Variants in USH2A observed in about 807,000 individuals in gnomAD.
The protein encoded by USH2A is Usher syndrome 2A (autosomal recessive, mild).
In USH2A, 443 loss-of-function variants were observed where a neutral mutation model predicts 538.9. The observed-to-expected ratio is 0.82, with a 90% CI of 0.76 to 0.89. The LOEUF (loss-of-function observed/expected upper bound fraction) is 0.89. Ranked by LOEUF, USH2A falls within the 40% of genes least tolerant of loss-of-function variation. USH2A has a pLI of 0.00. For missense variants in USH2A, 6,633 were observed against 6,324.8 expected (o/e 1.05, Z -1.65); for synonymous variants, 2,413 against 2,273.5 (o/e 1.06, Z -1.75).
chr1:215,992,950 C>T, intron 35 of USH2A, 70 bp downstream of exon 35: 1 of 1,603,986 alleles, frequency 6.2e-7, no homozygotes. Context: ...CACATATAAG[C>T]TGCCATTTAG....
chr1:215,696,502 T>C (rs1658816358), intron 61 of USH2A, among the ~76,000 whole-genome samples: 1 of 152,208 alleles, frequency 6.6e-6, no homozygotes, highest in Admixed American at 6.5e-5. Context: ...TTTTCTTTCT[T>C]TCCCTTTTGC....
chr1:216,154,489 T>C (rs2033900517), intron 21 of USH2A, among the ~76,000 whole-genome samples: 1 of 152,174 alleles, frequency 6.6e-6, no homozygotes, highest in African/African-American at 2.4e-5. Context: ...CATACTTGAA[T>C]GTTGCAAGAA....
intron 44 of USH2A, among the ~76,000 whole-genome samples, chr1:215,847,202 C>T (rs1663874149): frequency 6.6e-6 from 1 of 152,114 alleles, no homozygotes; most frequent in Non-Finnish European, 1.5e-5. Context: ...AACATGAAAA[C>T]AGCCATATTT....
chr1:216,282,162 T>A (rs569659579), intron 11 of USH2A, among the ~76,000 whole-genome samples: 58 of 152,282 alleles, frequency 3.8e-4, no homozygotes, highest in African/African-American at 1.3e-3. Flanking sequence ...TATTATATAC[T>A]TTGCAACTAA....
At chr1:215,631,271 C>T (rs1003139083) in intron 70 of USH2A, among the ~76,000 whole-genome samples, 1 of 149,904 alleles carries the variant, frequency 6.7e-6, no homozygotes, top group Non-Finnish European at 1.5e-5. Flanking sequence ...AGGGGCATAG[C>T]TCATTGACCT....
intron 30 of USH2A, among the ~76,000 whole-genome samples, chr1:216,059,960 T>G (rs1425588126): frequency 2.0e-5 from 3 of 152,168 alleles, no homozygotes; most frequent in African/African-American, 7.2e-5. Context: ...CTTCTGGGAA[T>G]TTTCAGAAGT....
chr1:216,126,998 A>G (rs994911825), intron 21 of USH2A, among the ~76,000 whole-genome samples: 1 of 152,228 alleles, frequency 6.6e-6, no homozygotes, highest in Non-Finnish European at 1.5e-5. Flanking sequence ...GTTTACAAAT[A>G]GCACTGCAAA....
chr1:216,259,636 G>A (rs1442208786), intron 11 of USH2A, among the ~76,000 whole-genome samples: 2 of 151,964 alleles, frequency 1.3e-5, no homozygotes, highest in African/African-American at 4.8e-5. Flanking sequence ...GAATACTAGG[G>A]CAGAATAAGT....
chr1:215,784,737 G>T (rs1661745678), intron 52 of USH2A, among the ~76,000 whole-genome samples: 1 of 152,164 alleles, frequency 6.6e-6, no homozygotes, highest in Non-Finnish European at 1.5e-5. Context: ...TCATGAAAAA[G>T]AACAGTTTGT....
intron 21 of USH2A, among the ~76,000 whole-genome samples, chr1:216,154,794 T>C (rs2033905563): frequency 6.6e-6 from 1 of 152,222 alleles, no homozygotes; most frequent in South Asian, 2.1e-4. Flanking sequence ...TTTCATCACA[T>C]ACATATACCA....
intron 3 of USH2A, among the ~76,000 whole-genome samples, chr1:216,398,336 A>G (rs901426789): frequency 2.6e-5 from 4 of 152,188 alleles, no homozygotes; most frequent in Non-Finnish European, 5.9e-5. Context: ...AACATGGCAA[A>G]TTCCCTAGTT....
chr1:216,157,677 C>T lies in USH2A; in HGVS notation c.4627+17575G>A, dbSNP rs539156123. Among the ~76,000 whole-genome samples, 22 of 152,212 alleles carry T rather than the reference C, an allele frequency of 1.4e-4. No individual in the cohort carries two copies. In the South Asian group the frequency reaches 4.6e-3, roughly 32 times the overall value. ...CATTTCCTTTACAGCAACATGGATG[C>T]AGTTGGAGTTCATAATTCTAAGTGA... is the stretch of plus-strand genomic sequence containing the variant. On this transcript the variant is annotated intron_variant, in intron 21 of 71. Coordinates refer to ENST00000307340, the MANE Select transcript of USH2A (RefSeq NM_206933.4).
chr1:216,246,960 T>A lies in USH2A; in HGVS notation c.2434A>T (p.Thr812Ser). ...SLPGTVCNAK[T>S]GQCICKPNVE... ...TTGGGCTTGCAGATGCACTGCCCTG[T>A]CTTAGCATTACAGACAGTCCCAGGG... Residue 812 changes from threonine to serine, a missense_variant, in exon 13 of 72, where the codon ACA becomes TCA. Coordinates refer to ENST00000307340, the MANE Select transcript of USH2A (RefSeq NM_206933.4). 6.2e-7 allele frequency: 1 copy of A among 1,614,092 alleles called. No homozygotes were observed. The highest frequency in any genetic ancestry group is 8.5e-7 in the Non-Finnish European group (1 of 1,179,972).
chr1:216,314,709 G>T (rs2037476517), intron 9 of USH2A, among the ~76,000 whole-genome samples: 1 of 152,138 alleles, frequency 6.6e-6, no homozygotes, highest in African/African-American at 2.4e-5. Flanking sequence ...CAAGCTGGCT[G>T]TGCTATTTAT....
intron 44 of USH2A, among the ~76,000 whole-genome samples, chr1:215,857,801 G>T (rs543615271): frequency 2.0e-5 from 3 of 149,112 alleles, no homozygotes; most frequent in Non-Finnish European, 4.4e-5. Flanking sequence ...GCATCAGGTG[G>T]TTGGTTGATA....
chr1:215,852,174 T>C (rs1180543486), intron 44 of USH2A, among the ~76,000 whole-genome samples: 2 of 151,806 alleles, frequency 1.3e-5, no homozygotes, highest in African/African-American at 4.8e-5. Flanking sequence ...AAGAAAGAGG[T>C]TTAATGGACT....
intron 13 of USH2A, among the ~76,000 whole-genome samples, chr1:216,242,940 G>A (rs2035965808): frequency 6.6e-6 from 1 of 152,096 alleles, no homozygotes; most frequent in Non-Finnish European, 1.5e-5. Flanking sequence ...CACATAAAAT[G>A]TTCTCTGATT....
At position 215,623,734 on chromosome 1, in the gene USH2A, C is replaced by G. The variant is rs1294579926; in HGVS notation, c.*2047G>C. On this transcript the variant is annotated 3_prime_UTR_variant, in exon 72 of 72. Transcript: ENST00000307340. ...ATGGATAATGATCCAAGATAAAATC[C>G]CCTGCAGTTCTGTATTTTTTTGTGC... 6.6e-6 allele frequency: 1 copy of G among 151,952 alleles called. No individual in the cohort carries two copies. The highest frequency in any genetic ancestry group is 1.9e-4 in the East Asian group (1 of 5,182). 9.4% of individuals were successfully genotyped at this position (151,952 alleles called of 1,614,324 possible).
chr1:215,951,115 T>C (rs1666902144), intron 37 of USH2A, among the ~76,000 whole-genome samples: 1 of 152,164 alleles, frequency 6.6e-6, no homozygotes, highest in African/African-American at 2.4e-5. Context: ...GTGTTTGCTC[T>C]TGCTTCTCTA....
Sources: gnomAD v4.1 joint callset for allele counts (sites outside exome capture counted in the v4.1 genomes callset) on GRCh38, gnomAD v4.1.1 for gene constraint, MANE v1.5 for transcripts, NCBI Gene and HGNC (gene_info 2026-07-23, HGNC 2026-07-21) for gene names.